Variants in SNRNP200 observed in about 807,000 individuals in gnomAD.
The protein encoded by SNRNP200 is small nuclear ribonucleoprotein U5 subunit 200, also known as U5 small nuclear ribonucleoprotein 200 kDa helicase.
Under a neutral mutation model 255.2 loss-of-function variants are expected in SNRNP200, and 66 were observed. That is an observed-to-expected ratio of 0.26 (90% CI 0.21 to 0.32). The LOEUF (loss-of-function observed/expected upper bound fraction) is 0.32, where lower values mean the gene tolerates loss of function less well. SNRNP200 is among the 10% of genes least tolerant of loss of function. The pLI is 1.00. For synonymous variants in SNRNP200, 939 were observed against 1,027.8 expected (o/e 0.91, Z 1.65); for missense variants, 1,585 against 2,749.8 (o/e 0.58, Z 9.47).
intron 5 of SNRNP200, among the ~76,000 whole-genome samples, chr2:96,300,052 A>G (rs1348709708): frequency 1.3e-5 from 2 of 152,154 alleles, no homozygotes; most frequent in Non-Finnish European, 2.9e-5. Flanking sequence ...AAGATACAGG[A>G]CTCAAACTCA....
intron 13 of SNRNP200, 42 bp from the exon 14 acceptor site, chr2:96,295,700 G>A (rs1348027335): frequency 2.5e-6 from 4 of 1,604,838 alleles, no homozygotes; most frequent in South Asian, 1.1e-5. Flanking sequence ...GCTTGAAGGG[G>A]CCTGGACACC....
intron 22 of SNRNP200, 40 bp downstream of exon 22, chr2:96,289,187 G>A (rs764161621): frequency 1.2e-6 from 2 of 1,614,072 alleles, no homozygotes; most frequent in South Asian, 2.2e-5. Flanking sequence ...GTGACTTGGT[G>A]AGCACCAACT....
chr2:96,277,305 G>A lies in SNRNP200; in HGVS notation c.5932-64C>T. 1 of 1,559,998 alleles carries A rather than the reference G, an allele frequency of 6.4e-7. No homozygotes were observed. Among genetic ancestry groups the A allele is most frequent in the South Asian group, 1.1e-5 (1 of 89,868 alleles). On this transcript the variant is annotated intron_variant, in intron 41 of 44. Transcript: ENST00000323853. This position sits in a 1 kb window ranked among gnomAD's most constrained non-coding sequence, Gnocchi z 4.4. ...GGGCCAACAGCAAATGACACAGGCA[G>A]CAAAGAGCTACTAATTTTACCTCCT... is the stretch of plus-strand genomic sequence containing the variant.
intron 31 of SNRNP200, 35 bp downstream of exon 31, chr2:96,284,323 C>G (rs375760028): frequency 1.3e-6 from 2 of 1,576,192 alleles, no homozygotes; most frequent in South Asian, 2.2e-5. Context: ...TGGTCAGTCC[C>G]AGTCCCTCAT....
chr2:96,277,740 G>A lies in SNRNP200; in HGVS notation c.5755-25C>T, dbSNP rs755943009. 2.4e-5 allele frequency: 39 copies of A among 1,614,032 alleles called. No individual in the cohort carries two copies. The highest frequency in any genetic ancestry group is 3.1e-5 in the Non-Finnish European group (37 of 1,180,048). ...CCTGAACAGGAAAAGGAGTATAAAA[G>A]TGGGCGGAGTTGGAGCTGAGATGTT... On this transcript the variant is annotated intron_variant, in intron 40 of 44. Coordinates refer to ENST00000323853, the MANE Select transcript of SNRNP200 (RefSeq NM_014014.5). This position sits in a 1 kb window ranked among gnomAD's most constrained non-coding sequence, Gnocchi z 4.4.
In SNRNP200 at chr2:96,297,635, A is replaced by G; in HGVS notation, c.1203+2T>C. The G allele has an allele frequency of 6.2e-7, 1 of 1,614,160 alleles. No individual in the cohort carries two copies. ...TGGGAAATAAATCGCCCTGGATCCT[A>G]CCTCTCCACCCTGGTCGAGATCCAT... On this transcript the variant is annotated splice_donor_variant, in intron 10 of 44. Coordinates refer to ENST00000323853, the MANE Select transcript of SNRNP200 (RefSeq NM_014014.5). LOFTEE classifies it high-confidence loss of function.
chr2:96,293,249 C>T, intron 15 of SNRNP200, 67 bp downstream of exon 15: 1 of 1,583,608 alleles, frequency 6.3e-7, no homozygotes, highest in South Asian at 1.1e-5. Flanking sequence ...CAGTAGCACT[C>T]CTTGGAAAAG....
intron 29 of SNRNP200, among the ~76,000 whole-genome samples, chr2:96,285,903 AAGAG>A (rs2063841134): frequency 1.3e-5 from 2 of 152,324 alleles, no homozygotes; most frequent in South Asian, 4.2e-4. Context: ...TGGGAGGAAT[AAGAG>A]AGAAAACACC....
Position 96,283,875 on chromosome 2 carries a change from C to T in SNRNP200, c.4522G>A (p.Ala1508Thr), listed in dbSNP as rs2063824819. The T allele has an allele frequency of 1.3e-6, 2 of 1,594,100 alleles. No individual in the cohort carries two copies. Among genetic ancestry groups the T allele is most frequent in the Non-Finnish European group, 1.7e-6 (2 of 1,170,362 alleles). The change falls in exon 32 of 45, where the codon GCC becomes ACC. Residue 1508 changes from alanine to threonine, a missense_variant. This residue lies in a region of SNRNP200 where 719 missense variants were observed against 1,091.1 expected (regional missense o/e 0.66). Transcript: ENST00000323853. This position sits in a 1 kb window ranked among gnomAD's most constrained non-coding sequence, Gnocchi z 4.7. ...GGATGGAAGTTGAAGGTGGAGGTGG[C>T]ACTGCAGCCCAGCCAGTGGGCCACA... ...KDVAHWLGCS[A>T]TSTFNFHPNV... is the part of the protein sequence containing the mutation.
At chr2:96,298,760 T>C (rs2063935050) in intron 7 of SNRNP200, 55 bp downstream of exon 7, 7 of 1,613,864 alleles carry the variant, frequency 4.3e-6, no homozygotes, top group Non-Finnish European at 5.9e-6. Flanking sequence ...CTTCATACGC[T>C]GTCCCCATGT....
intron 12 of SNRNP200, 30 bp downstream of exon 12, chr2:96,296,903 C>T (rs752381264): frequency 6.2e-7 from 1 of 1,614,126 alleles, no homozygotes; most frequent in African/African-American, 1.3e-5. Flanking sequence ...CCATATTCTA[C>T]AAGAAAACAG....
Position 96,290,403 on chromosome 2 carries a change from T to C in SNRNP200, c.2665A>G (p.Ile889Val), listed in dbSNP as rs140087655. The C allele has an allele frequency of 4.1e-5, 66 of 1,614,132 alleles. No individual in the cohort carries two copies. The African/African-American group carries it at 6.9e-4, about 17-fold the overall frequency. Residue 889 changes from isoleucine to valine, a missense_variant, in exon 20 of 45, where the codon ATT becomes GTT. Coordinates refer to ENST00000323853, the MANE Select transcript of SNRNP200 (RefSeq NM_014014.5). The surrounding 1 kb of genome is among the most constrained non-coding windows in gnomAD (Gnocchi z 4.5). ...AGCTTTGAAACCATCTGGCTTTCAA[T>C]AGGAAGTTGTTGATTGAGGAGGGAC... ...YLSLLNQQLP[I>V]ESQMVSKLPD...
intron 5 of SNRNP200, 28 bp from the exon 6 acceptor site, chr2:96,299,455 G>A: frequency 6.4e-7 from 1 of 1,560,008 alleles, no homozygotes; most frequent in Non-Finnish European, 8.8e-7. Context: ...ACTCAACCAT[G>A]ATCTGGAGCT....
intron 21 of SNRNP200, 65 bp downstream of exon 21, chr2:96,289,734 A>G (rs970804674): frequency 2.7e-6 from 4 of 1,505,452 alleles, no homozygotes; most frequent in Non-Finnish European, 9.2e-7. Flanking sequence ...AGCAATCTGA[A>G]AAATTTTTTC....
Position 96,290,443 on chromosome 2 carries a change from C to T in SNRNP200, c.2625G>A (p.Glu875=), listed in dbSNP as rs369299436. ...GEGILITSHG[E]LQYYLSLLNQ... is the part of the protein sequence containing the mutation. ...TGAGGAGGGACAGGTAGTACTGTAG[C>T]TCCCCATGAGATGTGATGAGTATGC... Residue 875 remains glutamate (E), a synonymous_variant, in exon 20 of 45, where the codon GAG becomes GAA. Transcript: ENST00000323853. This position sits in a 1 kb window ranked among gnomAD's most constrained non-coding sequence, Gnocchi z 4.5. The T allele has an allele frequency of 4.3e-6, 7 of 1,614,198 alleles. No homozygotes were observed. In the East Asian group the frequency reaches 1.6e-4, roughly 36 times the overall value.
chr2:96,304,818 G>C lies in SNRNP200; in HGVS notation c.96C>G (p.Arg32=). Residue 32 remains arginine, a synonymous_variant, in exon 2 of 45, where the codon CGC becomes CGG. Coordinates refer to ENST00000323853, the MANE Select transcript of SNRNP200 (RefSeq NM_014014.5). ...QADRSLIDRT[R]RDEPTGEVLS... is the part of the protein sequence containing the mutation. Reference sequence around the variant, plus strand: ...GCACCTCTCCTGTGGGTTCATCCCGGCGGGTCCGGTCAATGAGAGAACGGT... The same window carrying C: ...GCACCTCTCCTGTGGGTTCATCCCGCCGGGTCCGGTCAATGAGAGAACGGT... The C allele has an allele frequency of 6.2e-7, 1 of 1,614,186 alleles. No individual in the cohort carries two copies. The highest frequency in any genetic ancestry group is 8.5e-7 in the Non-Finnish European group (1 of 1,180,046).
At chr2:96,285,047 G>T (rs2063835898) in intron 30 of SNRNP200, 133 bp downstream of exon 30, 2 of 1,101,792 alleles carry the variant, frequency 1.8e-6, no homozygotes, top group Non-Finnish European at 2.7e-6. Context: ...ACCACGCTTG[G>T]CTGGGGCAGC....
rs1233872894 is a variant in SNRNP200 at position 96,286,633 on chromosome 2, C to A, written c.3829+55G>T. ...AGCCCGGGACAAAGTGCAAGACATT[C>A]TTCTACTGTCCTTGGAGGGACTGTT... On this transcript the variant is annotated intron_variant, in intron 28 of 44. Coordinates refer to ENST00000323853, the MANE Select transcript of SNRNP200 (RefSeq NM_014014.5). This position sits in a 1 kb window ranked among gnomAD's most constrained non-coding sequence, Gnocchi z 4.8. 1 of 1,603,692 alleles carries A rather than the reference C, an allele frequency of 6.2e-7. No homozygotes were observed. The highest frequency in any genetic ancestry group is 1.7e-5 in the Admixed American group (1 of 59,678).
At position 96,283,459 on chromosome 2, in the gene SNRNP200, C is replaced by T; in HGVS notation, c.4763+76G>A. 6.2e-7 allele frequency: 1 copy of T among 1,612,804 alleles called. No individual in the cohort carries two copies. On this transcript the variant is annotated intron_variant, in intron 33 of 44. Coordinates refer to ENST00000323853, the MANE Select transcript of SNRNP200 (RefSeq NM_014014.5). This position sits in a 1 kb window ranked among gnomAD's most constrained non-coding sequence, Gnocchi z 4.7. ...AAGCAACATGGGCTAACCCCACCCT[C>T]ATAAAGAGGACACCCTTGGAGTAGG...
Sources: gnomAD v4.1 joint callset for allele counts (sites outside exome capture counted in the v4.1 genomes callset) on GRCh38, gnomAD v4.1.1 for gene constraint, gnomAD v4.1.1 regional missense constraint, Gnocchi (gnomAD v3.1) non-coding constraint, MANE v1.5 for transcripts, NCBI Gene and HGNC (gene_info 2026-07-23, HGNC 2026-07-21) for gene names.